MATCAP2: variants seen among roughly 807,000 people sequenced by gnomAD.
MATCAP2 encodes microtubule associated tyrosine carboxypeptidase 2, also known as putative tyrosine carboxypeptidase MATCAP2.
the MATCAP2 span, among the ~76,000 whole-genome samples, chr7:36,352,197 A>T: frequency 4.0e-5 from 6 of 151,712 alleles, no homozygotes; most frequent in African/African-American, 1.5e-4. Context: ...GGAGTTCAAC[A>T]CCAGCCTGGC....
chr7:36,366,917 C>G, the MATCAP2 span: 1 of 1,445,732 alleles, frequency 6.9e-7, no homozygotes, highest in Non-Finnish European at 9.0e-7. Context: ...GGCACTCACC[C>G]GTCACGCGAA....
chr7:36,376,267 T>A, the MATCAP2 span, among the ~76,000 whole-genome samples: 1 of 152,252 alleles, frequency 6.6e-6, no homozygotes, highest in Admixed American at 6.5e-5. Context: ...TTTAAATGTA[T>A]CCCAGAGATT....
At chr7:36,366,898 G>T in the MATCAP2 span, 1 of 1,467,984 alleles carries the variant, frequency 6.8e-7, no homozygotes, top group African/African-American at 1.5e-5. Flanking sequence ...GCCGCGGCCA[G>T]CCCTTCCCGG....
the MATCAP2 span, among the ~76,000 whole-genome samples, chr7:36,374,678 T>G: frequency 6.6e-6 from 1 of 152,182 alleles, no homozygotes; most frequent in African/African-American, 2.4e-5. Flanking sequence ...CCTAATGCTA[T>G]CCCTCCCCCT....
At chr7:36,329,403 G>A in the MATCAP2 span, among the ~76,000 whole-genome samples, 1 of 152,150 alleles carries the variant, frequency 6.6e-6, no homozygotes, top group Non-Finnish European at 1.5e-5. Flanking sequence ...AGGTCTAGAA[G>A]CAAGAGTACC....
chr7:36,356,990 G>T, the MATCAP2 span: 9 of 1,614,008 alleles, frequency 5.6e-6, no homozygotes, highest in Admixed American at 1.3e-4. Flanking sequence ...AGGATTGTAG[G>T]TATAGTCAGA....
At chr7:36,357,019 T>C in the MATCAP2 span, 1 of 1,614,162 alleles carries the variant, frequency 6.2e-7, no homozygotes, top group Non-Finnish European at 8.5e-7. Flanking sequence ...ATCTCAGTTT[T>C]TCTTTCTCTA....
At chr7:36,390,289 G>A in the MATCAP2 span, 1 of 590,828 alleles carries the variant, frequency 1.7e-6, no homozygotes, top group East Asian at 2.9e-5. Context: ...TGTCCTAAAA[G>A]GCTGTTGCGA....
At chr7:36,383,841 G>A in the MATCAP2 span, 1 of 1,530,712 alleles carries the variant, frequency 6.5e-7, no homozygotes, top group Non-Finnish European at 9.0e-7. Context: ...AAAAGAAGTG[G>A]CCCTTCAGCC....
the MATCAP2 span, among the ~76,000 whole-genome samples, chr7:36,338,626 A>G: frequency 6.6e-6 from 1 of 152,164 alleles, no homozygotes; most frequent in Non-Finnish European, 1.5e-5. Flanking sequence ...TTAATTAAAA[A>G]AAAAATAGAG....
chr7:36,356,094 A>G, the MATCAP2 span: 1 of 152,260 alleles, frequency 6.6e-6, no homozygotes, highest in Non-Finnish European at 1.5e-5. Flanking sequence ...ATTTCAGTGA[A>G]GCATTAACAA....
At chr7:36,325,572 C>T in the MATCAP2 span, 2 of 152,184 alleles carry the variant, frequency 1.3e-5, no homozygotes, top group Non-Finnish European at 2.9e-5. Flanking sequence ...GGTAGAAATT[C>T]CAGCAGCAAT....
chr7:36,372,415 TG>T, the MATCAP2 span, among the ~76,000 whole-genome samples: 415 of 152,358 alleles, frequency 2.7e-3, 1 homozygote, highest in Non-Finnish European at 4.6e-3. Context: ...GCTTTCAGGA[TG>T]TCTATATCAA....
At chr7:36,365,101 A>AT in the MATCAP2 span, among the ~76,000 whole-genome samples, 2 of 152,208 alleles carry the variant, frequency 1.3e-5, no homozygotes, top group Non-Finnish European at 2.9e-5. Flanking sequence ...ACATGTTGAC[A>AT]TATCAAGAGA....
chr7:36,347,432 A>G, the MATCAP2 span, among the ~76,000 whole-genome samples: 1 of 152,206 alleles, frequency 6.6e-6, no homozygotes, highest in African/African-American at 2.4e-5. Flanking sequence ...GGACACCAGT[A>G]TGATAGGGGG....
chr7:36,388,286 T>TC, the MATCAP2 span, among the ~76,000 whole-genome samples: 1 of 148,354 alleles, frequency 6.7e-6, no homozygotes, highest in Non-Finnish European at 1.5e-5. Flanking sequence ...AGTCCATGAC[T>TC]CCCCACAAAG....
chr7:36,330,981 C>A, the MATCAP2 span: 1 of 1,597,070 alleles, frequency 6.3e-7, no homozygotes, highest in East Asian at 2.2e-5. Flanking sequence ...CTTCTACTCA[C>A]CTTCCCGAGA....
chr7:36,366,929 G>C, the MATCAP2 span: 1 of 1,434,202 alleles, frequency 7.0e-7, no homozygotes, highest in Non-Finnish European at 9.0e-7. Flanking sequence ...TCACGCGAAT[G>C]GACTCCAGCA....
the MATCAP2 span, among the ~76,000 whole-genome samples, chr7:36,351,413 T>A: frequency 6.6e-6 from 1 of 151,720 alleles, no homozygotes; most frequent in Non-Finnish European, 1.5e-5. Context: ...AATAAATAAA[T>A]AAAATATGAA....
Sources: allele counts gnomAD v4.1 joint callset (sites outside exome capture counted in the v4.1 genomes callset), GRCh38; gene constraint gnomAD v4.1.1; transcripts MANE v1.5; gene names NCBI Gene and HGNC (gene_info 2026-07-23, HGNC 2026-07-21).